The following FGF12 variants were observed in gnomAD, a reference collection of about 807,000 sequenced individuals.
FGF12 encodes fibroblast growth factor 12B.
In FGF12, 14 loss-of-function variants were observed where a neutral mutation model predicts 23.6. The observed-to-expected ratio is 0.59, with a 90% confidence interval of 0.39 to 0.93. The LOEUF (loss-of-function observed/expected upper bound fraction) is 0.93. FGF12 is among the 40% of genes least tolerant of loss of function. The pLI is 0.00. For missense variants in FGF12, 175 were observed against 217.8 expected, an observed-to-expected ratio of 0.80 and a Z score of 1.24; for synonymous variants, 62 against 77.3, an observed-to-expected ratio of 0.80 and a Z score of 1.04.
intron 2 of FGF12, among the ~76,000 whole-genome samples, chr3:192,442,453 T>A (rs1406506320): frequency 6.6e-6 from 1 of 152,200 alleles, no homozygotes; most frequent in Admixed American, 6.5e-5. Flanking sequence ...CAAGACAGAC[T>A]AAGATGTTGG....
At chr3:192,412,198 C>T (rs777379682) in intron 2 of FGF12, among the ~76,000 whole-genome samples, 5 of 152,260 alleles carry the variant, frequency 3.3e-5, no homozygotes, top group East Asian at 1.9e-4. Flanking sequence ...TCCTGTGCAC[C>T]GCCACCCTGC....
chr3:192,393,190 C>T (rs555816364), intron 2 of FGF12, among the ~76,000 whole-genome samples: 11 of 152,264 alleles, frequency 7.2e-5, no homozygotes, highest in East Asian at 5.8e-4. Context: ...GTGACATCTA[C>T]GTGTCAAGCA....
intron 2 of FGF12, among the ~76,000 whole-genome samples, chr3:192,546,725 A>G (rs1346317954): frequency 7.1e-6 from 1 of 139,960 alleles, no homozygotes; most frequent in South Asian, 2.3e-4. Context: ...ACCCTAACTC[A>G]GTACCCTAAT....
intron 3 of FGF12, among the ~76,000 whole-genome samples, chr3:192,358,730 G>A (rs1023333768): frequency 2.0e-5 from 3 of 152,196 alleles, no homozygotes; most frequent in Non-Finnish European, 4.4e-5. Flanking sequence ...GCATTTGCAA[G>A]ATAGTTGGCT....
intron 2 of FGF12, among the ~76,000 whole-genome samples, chr3:192,574,984 G>A (rs1261806457): frequency 6.6e-6 from 1 of 152,182 alleles, no homozygotes; most frequent in African/African-American, 2.4e-5. Context: ...AATGGATAAT[G>A]TACACATCCA....
At chr3:192,188,846 A>C (rs770304544) in intron 4 of FGF12, among the ~76,000 whole-genome samples, 5 of 152,338 alleles carry the variant, frequency 3.3e-5, no homozygotes, top group Middle Eastern at 3.4e-3. Context: ...AACCACCTAG[A>C]TATGATCCAC....
chr3:192,347,506 G>T (rs1178032976), intron 3 of FGF12, among the ~76,000 whole-genome samples: 1 of 152,112 alleles, frequency 6.6e-6, no homozygotes, highest in African/African-American at 2.4e-5. Flanking sequence ...ATGAGGAGCG[G>T]CTGCTGTCTT....
chr3:192,248,879 C>A (rs943257728), intron 4 of FGF12, among the ~76,000 whole-genome samples: 1 of 152,158 alleles, frequency 6.6e-6, no homozygotes, highest in Non-Finnish European at 1.5e-5. Context: ...GAAAACCCTA[C>A]CTGCTTGATG....
intron 2 of FGF12, among the ~76,000 whole-genome samples, chr3:192,554,807 C>T (rs896129859): frequency 1.3e-5 from 2 of 151,080 alleles, no homozygotes; most frequent in Non-Finnish European, 3.0e-5. Flanking sequence ...AAAAAGAATT[C>T]ATGAATAAAA....
chr3:192,497,759 T>C (rs1724006278), intron 2 of FGF12, among the ~76,000 whole-genome samples: 1 of 152,220 alleles, frequency 6.6e-6, no homozygotes, highest in Admixed American at 6.5e-5. Flanking sequence ...AGGAGAAAAC[T>C]GCTCTATCCA....
At chr3:192,259,288 A>G (rs1469607208) in intron 4 of FGF12, among the ~76,000 whole-genome samples, 1 of 152,216 alleles carries the variant, frequency 6.6e-6, no homozygotes, top group African/African-American at 2.4e-5. Flanking sequence ...ATCATAAGAT[A>G]AGAGTTGTAT....
At chr3:192,689,172 G>C (rs1362122225) in intron 2 of FGF12, among the ~76,000 whole-genome samples, 3 of 152,266 alleles carry the variant, frequency 2.0e-5, no homozygotes, top group South Asian at 2.1e-4. Context: ...TTTGATACCA[G>C]AGTAAGGTGA....
At chr3:192,364,661 A>C (rs1718890076) in intron 2 of FGF12, among the ~76,000 whole-genome samples, 1 of 152,224 alleles carries the variant, frequency 6.6e-6, no homozygotes. Context: ...TTAAGATAAC[A>C]TAGCCCTAGG....
chr3:192,677,872 A>G (rs1717385353), intron 2 of FGF12, among the ~76,000 whole-genome samples: 1 of 152,228 alleles, frequency 6.6e-6, no homozygotes, highest in Non-Finnish European at 1.5e-5. Flanking sequence ...GAATCCATTC[A>G]TCAGAAGAGG....
At chr3:192,223,783 A>G (rs768237267) in intron 4 of FGF12, among the ~76,000 whole-genome samples, 19 of 152,300 alleles carry the variant, frequency 1.2e-4, no homozygotes, top group Admixed American at 9.2e-4. Flanking sequence ...AAAAATATAA[A>G]TGGTAACATA....
rs192214945 is a variant in FGF12, at chr3:192,553,619, T to C, written c.13+173562A>G. The stretch of plus-strand genomic sequence containing the variant: ...ACCCATAAACCAGTTATGAGGTTCC[T>C]GAACCTCAGGCAAATATGAAGCCAA... On this transcript the variant is annotated intron_variant, in intron 2 of 5. Coordinates refer to ENST00000445105, the MANE Select transcript of FGF12 (RefSeq NM_004113.6). 5.9e-5 allele frequency among the ~76,000 whole-genome samples: 9 copies of C among 152,304 alleles called. No homozygotes were observed. In the East Asian group the frequency reaches 1.7e-3, roughly 29 times the overall value.
chr3:192,449,055 C>A (rs528630294), intron 2 of FGF12, among the ~76,000 whole-genome samples: 2 of 152,280 alleles, frequency 1.3e-5, no homozygotes, highest in South Asian at 4.1e-4. Context: ...CTTTTAAAAT[C>A]AAATCTCATT....
chr3:192,686,559 G>A (rs1419854963), intron 2 of FGF12, among the ~76,000 whole-genome samples: 1 of 151,986 alleles, frequency 6.6e-6, no homozygotes. Context: ...TCTTTTTCCT[G>A]TGCTATTTGA....
At chr3:192,526,696 G>A (rs1022751953) in intron 2 of FGF12, among the ~76,000 whole-genome samples, 1 of 152,094 alleles carries the variant, frequency 6.6e-6, no homozygotes, top group Non-Finnish European at 1.5e-5. Flanking sequence ...CATAGGAAAT[G>A]GTCAATAAAT....
Sources: gnomAD v4.1 joint callset for allele counts (sites outside exome capture counted in the v4.1 genomes callset) on GRCh38, gnomAD v4.1.1 for gene constraint, MANE v1.5 for transcripts, NCBI Gene and HGNC (gene_info 2026-07-23, HGNC 2026-07-21) for gene names.